CNOT1: variants seen among roughly 807,000 people sequenced by gnomAD.
The protein encoded by CNOT1 is CCR4-associated factor 1.
In CNOT1, 15 loss-of-function variants were observed where a neutral mutation model predicts 273.8. The observed-to-expected ratio is 0.05, with a 90% CI of 0.04 to 0.08. CNOT1 has a LOEUF of 0.08. CNOT1 is among the 10% of genes least tolerant of loss of function. The probability of loss-of-function intolerance (pLI) is 1.00; values close to 1 mark genes in which losing one functional copy is unlikely to be tolerated. For synonymous variants in CNOT1, 1,022 were observed against 1,005.5 expected (o/e 1.02, Z -0.31); for missense variants, 1,644 against 2,912.2 (o/e 0.56, Z 10.02).
Position 58,558,511 on chromosome 16 carries a change from G to A in CNOT1, c.2294C>T (p.Ala765Val), listed in dbSNP as rs145593264. Residue 765 changes from alanine to valine, a missense_variant, in exon 18 of 49, where the codon GCA becomes GTA. Physicochemically the swap from Ala to Val is moderately conservative, Grantham distance 64. This residue lies in a region of CNOT1 where 706 missense variants were observed against 1,021.2 expected (regional missense o/e 0.69). Transcript: ENST00000317147. ...TGAAAGTCCTCCAATACCACTGAAT[G>A]CAGTGGTCTGATTGGGGGTTGAAAG... The part of the protein sequence containing the change: ...PPLSTPNQTT[A>V]FSGIGGLSSQ... 4.3e-6 allele frequency: 7 copies of A among 1,613,806 alleles called. No individual in the cohort carries two copies. The African/African-American group carries it at 6.7e-5, about 15-fold the overall frequency.
chr16:58,574,922 C>T, intron 15 of CNOT1, 85 bp downstream of exon 15: 6 of 1,575,190 alleles, frequency 3.8e-6, no homozygotes, highest in Non-Finnish European at 5.1e-6. Context: ...TTTATTACTG[C>T]TGCACAAATT....
chr16:58,549,224 C>A (rs1478649193), intron 25 of CNOT1, among the ~76,000 whole-genome samples: 1 of 149,290 alleles, frequency 6.7e-6, no homozygotes, highest in Admixed American at 6.7e-5. Flanking sequence ...GAGGTGGAGG[C>A]TGCAGTGAGC....
In CNOT1 at chr16:58,545,467, T is replaced by C. The variant is rs752211632; in HGVS notation, c.4031A>G (p.Asn1344Ser). Residue 1344 changes from asparagine to serine, a missense_variant, in exon 30 of 49, where the codon AAC becomes AGC. By Grantham distance (46) the Asn-to-Ser change is conservative. Coordinates refer to ENST00000317147, the MANE Select transcript of CNOT1 (RefSeq NM_016284.5). ...TTTTSTTPAT[N>S]TTCTATVPPQ... ...TGGAACCGTGGCTGTACAAGTGGTG[T>C]TGGTAGCTGGTGTAGTAGAAGTTGC... 2.5e-6 allele frequency: 4 copies of C among 1,614,092 alleles called. No individual in the cohort carries two copies. The highest frequency in any genetic ancestry group is 1.7e-4 in the Middle Eastern group (1 of 6,060).
chr16:58,585,183 T>A (rs767267089), intron 8 of CNOT1, among the ~76,000 whole-genome samples, 155 bp downstream of exon 8: 4 of 152,198 alleles, frequency 2.6e-5, no homozygotes, highest in Non-Finnish European at 5.9e-5. Flanking sequence ...TTTACAGCTG[T>A]CACACACACT....
chr16:58,564,316 C>A (rs1439639380), intron 16 of CNOT1, among the ~76,000 whole-genome samples: 3 of 151,602 alleles, frequency 2.0e-5, no homozygotes, highest in Non-Finnish European at 4.4e-5. Flanking sequence ...TTACCAATCA[C>A]AAAAACAAAA....
In CNOT1 at chr16:58,542,223, A is replaced by G. The variant is rs765214943; in HGVS notation, c.4680+8T>C. Reference sequence around the variant, plus strand: ...TGGGACGGGGAAAGACAGAGCCCCAATTCTCACTTTCAGCCTGATTTGCTC... The same window carrying G: ...TGGGACGGGGAAAGACAGAGCCCCAGTTCTCACTTTCAGCCTGATTTGCTC... On this transcript the variant is annotated splice_region_variant and intron_variant, in intron 33 of 48. Transcript: ENST00000317147. The G allele has an allele frequency of 6.8e-5, 109 of 1,613,134 alleles. No homozygotes were observed. The Admixed American group carries it at 1.8e-3, about 27-fold the overall frequency.
At position 58,553,820 on chromosome 16, in the gene CNOT1, T is replaced by C; in HGVS notation, c.2932A>G (p.Ile978Val). ...YPQYCQHLAS[I>V]SHFMQFPHHL... is the part of the protein sequence containing the mutation. ...TGTGGAAATTGCATAAAGTGACTGA[T>C]AGAAGCCAAATGCTGACAATACTGG... The change falls in exon 22 of 49, where the codon ATC becomes GTC. Residue 978 changes from isoleucine (I) to valine (V), a missense_variant. By Grantham distance (29) the Ile-to-Val change is conservative (BLOSUM62 3). Transcript: ENST00000317147. 1 of 1,611,942 alleles carries C rather than the reference T, an allele frequency of 6.2e-7. No homozygotes were observed.
chr16:58,626,632 C>T (rs189693013), intron 1 of CNOT1, among the ~76,000 whole-genome samples: 3 of 151,322 alleles, frequency 2.0e-5, no homozygotes, highest in African/African-American at 7.3e-5. Context: ...CAGTGGTGCG[C>T]GCCTGTAATC....
intron 1 of CNOT1, among the ~76,000 whole-genome samples, chr16:58,600,997 G>A (rs115712608): frequency 4.6e-5 from 7 of 152,172 alleles, no homozygotes; most frequent in African/African-American, 9.6e-5. Context: ...TCTTGTTGCC[G>A]AGGCTGGAGT....
At chr16:58,582,536 G>A (rs1567421611) in intron 10 of CNOT1, among the ~76,000 whole-genome samples, 1 of 152,164 alleles carries the variant, frequency 6.6e-6, no homozygotes, top group Non-Finnish European at 1.5e-5. Flanking sequence ...CGAAGTAGAA[G>A]TGGCAAGATA....
chr16:58,542,661 C>T, intron 31 of CNOT1, 93 bp from the exon 32 acceptor site: 3 of 1,508,774 alleles, frequency 2.0e-6, no homozygotes, highest in Non-Finnish European at 2.6e-6. Context: ...AAATGCAGTG[C>T]ATTTGGCAAA....
intron 36 of CNOT1, 94 bp from the exon 37 acceptor site, chr16:58,538,360 G>A: frequency 1.4e-6 from 1 of 709,984 alleles, no homozygotes; most frequent in East Asian, 2.6e-5. Context: ...AACTAAGAAT[G>A]CCTTGAGATT....
At chr16:58,539,680 A>C in intron 35 of CNOT1, 88 bp downstream of exon 35, 1 of 1,294,378 alleles carries the variant, frequency 7.7e-7, no homozygotes, top group South Asian at 2.0e-5. Context: ...AATCTTAAGC[A>C]TAACTGCATA....
In CNOT1 at chr16:58,588,926, CAT is replaced by C; in HGVS notation, c.103-22_103-21del. 1.9e-6 allele frequency: 3 copies of C among 1,587,286 alleles called. No homozygotes were observed. The highest frequency in any genetic ancestry group is 8.6e-7 in the Non-Finnish European group (1 of 1,167,226). On this transcript the variant is annotated intron_variant, in intron 2 of 48. Coordinates refer to ENST00000317147, the MANE Select transcript of CNOT1 (RefSeq NM_016284.5). ...CACAATCTAAAATGACCAAAAATAA[CAT>C]GTTTAATAAGGGAAGATAAAACAAA...
intron 1 of CNOT1, among the ~76,000 whole-genome samples, chr16:58,617,182 A>T (rs2043121134): frequency 6.6e-6 from 1 of 151,964 alleles, no homozygotes; most frequent in African/African-American, 2.4e-5. Flanking sequence ...GAACAGTGAG[A>T]CCATCTCAAC....
chr16:58,585,320 A>G lies in CNOT1; in HGVS notation c.806+18T>C, dbSNP rs769289429. ...TGGCACAAGAATAATCAGAAGCTTA[A>G]CACATTTTACTACCAACCTTGCACA... On this transcript the variant is annotated intron_variant, in intron 8 of 48. Coordinates refer to ENST00000317147, the MANE Select transcript of CNOT1 (RefSeq NM_016284.5). 1 of 1,613,254 alleles carries G rather than the reference A, an allele frequency of 6.2e-7. No homozygotes were observed. The highest frequency in any genetic ancestry group is 1.7e-5 in the Admixed American group (1 of 59,806).
At position 58,543,907 on chromosome 16, in the gene CNOT1, G is replaced by A. The variant is rs778649393; in HGVS notation, c.4138-4C>T. Reference sequence around the variant, plus strand: ...GATGGGCCTGAAACAAGGGAATCTGGGGGGTTGGGGAGGACAAAGTCAACA... The same window carrying A: ...GATGGGCCTGAAACAAGGGAATCTGAGGGGTTGGGGAGGACAAAGTCAACA... On this transcript the variant is annotated splice_region_variant and splice_polypyrimidine_tract_variant and intron_variant, in intron 30 of 48. Transcript: ENST00000317147. 2 of 1,593,706 alleles carry A rather than the reference G, an allele frequency of 1.3e-6. No individual in the cohort carries two copies. The highest frequency in any genetic ancestry group is 1.7e-5 in the Admixed American group (1 of 57,680).
chr16:58,520,763 G>T lies in CNOT1; in HGVS notation c.*195C>A. On this transcript the variant is annotated 3_prime_UTR_variant, in exon 49 of 49. Coordinates refer to ENST00000317147, the MANE Select transcript of CNOT1 (RefSeq NM_016284.5). ...AGCATCTTCTAAATTTTGGCCAAGA[G>T]TCAAAAAAATGCATTTAAACTTTGG... is the stretch of plus-strand genomic sequence containing the variant. 1 of 593,132 alleles carries T rather than the reference G, an allele frequency of 1.7e-6. No homozygotes were observed. The allele number at this position is 593,132 out of a possible 1,614,324, so 36.7% of individuals were successfully genotyped here.
chr16:58,581,854 G>T (rs12102878), intron 10 of CNOT1, among the ~76,000 whole-genome samples: 59,200 of 151,670 alleles, frequency 0.39, 12,924 homozygotes, highest in African/African-American at 0.59. Context: ...GTAGAGACAG[G>T]TTTTCGCCAT....
Sources: allele counts gnomAD v4.1 joint callset (sites outside exome capture counted in the v4.1 genomes callset), GRCh38; gene constraint gnomAD v4.1.1; regional missense constraint gnomAD v4.1.1; transcripts MANE v1.5; gene names NCBI Gene and HGNC (gene_info 2026-07-23, HGNC 2026-07-21).